Variants in DNAJB1 observed in about 807,000 individuals in gnomAD.
DNAJB1 encodes the protein dnaJ homolog subfamily B member 1.
Under a neutral mutation model 24.0 loss-of-function variants are expected in DNAJB1, and 14 were observed. That is an observed-to-expected ratio of 0.58 (90% CI 0.39 to 0.91). The LOEUF is 0.91. Ranked by LOEUF, DNAJB1 falls within the 40% of genes least tolerant of loss-of-function variation. The probability of loss-of-function intolerance (pLI) is 0.00; values close to 1 mark genes in which losing one functional copy is unlikely to be tolerated. For synonymous variants in DNAJB1, 262 were observed against 174.4 expected (o/e 1.50, Z -3.96); for missense variants, 517 against 458.1 (o/e 1.13, Z -1.17).
chr19:14,553,499 G>A (rs1338145802), upstream of DNAJB1, among the ~76,000 whole-genome samples: 1 of 152,164 alleles, frequency 6.6e-6, no homozygotes, highest in Non-Finnish European at 1.5e-5. Context: ...GTCATACACT[G>A]AGGCCACTGG....
At chr19:14,557,694 C>T (rs1478772230) in intron 1 of DNAJB1, among the ~76,000 whole-genome samples, 5 of 150,702 alleles carry the variant, frequency 3.3e-5, no homozygotes, top group East Asian at 2.0e-4. Context: ...TCAGGTAACC[C>T]GCCCACCTTG....
intron 1 of DNAJB1, among the ~76,000 whole-genome samples, chr19:14,535,609 C>A (rs2072870730): frequency 9.8e-6 from 1 of 101,852 alleles, no homozygotes; most frequent in African/African-American, 4.1e-5. Flanking sequence ...TATAAATTAG[C>A]CAGGCATCAT....
rs776673751 is a variant in DNAJB1 at position 14,516,092 on chromosome 19, G to T, written c.871C>A (p.Pro291Thr). The T allele has an allele frequency of 2.5e-6, 4 of 1,613,942 alleles. No individual in the cohort carries two copies. Among genetic ancestry groups the T allele is most frequent in the Non-Finnish European group, 3.4e-6 (4 of 1,179,974 alleles). The change falls in exon 3 of 3, where the codon CCT becomes ACT. Residue 291 changes from proline (P) to threonine (T), a missense_variant. Coordinates refer to ENST00000254322, the MANE Select transcript of DNAJB1 (RefSeq NM_006145.3). ...CCAGGAACTTTTCGCCGCATGCCAGGCCTGATAACATCTTTGAATACGACG... is the reference window on the plus strand; with the variant it reads ...CCAGGAACTTTTCGCCGCATGCCAGTCCTGATAACATCTTTGAATACGACG... ...IPVVFKDVIRPGMRRKVPGEG... is the reference protein window; with the variant it reads ...IPVVFKDVIRTGMRRKVPGEG...
intron 1 of DNAJB1, among the ~76,000 whole-genome samples, chr19:14,541,581 T>C (rs1205269170): frequency 6.6e-6 from 1 of 152,182 alleles, no homozygotes; most frequent in East Asian, 1.9e-4. Flanking sequence ...ACATTCTCTG[T>C]CCTCAAGATC....
chr19:14,516,403 T>C (rs8112776), intron 2 of DNAJB1, 63 bp downstream of exon 2: 113,914 of 1,540,790 alleles, frequency 0.074, 4,493 homozygotes, highest in Non-Finnish European at 0.082. Context: ...GTTCAGCAAA[T>C]ACTAAACTGC....
upstream of DNAJB1, among the ~76,000 whole-genome samples, chr19:14,520,312 TGAAGAA>T (rs1568382813): frequency 6.6e-6 from 1 of 152,150 alleles, no homozygotes; most frequent in East Asian, 1.9e-4. Flanking sequence ...CAGGGACTCC[TGAAGAA>T]GAAGACCATC....
At chr19:14,544,225 C>T (rs1332051604) in intron 1 of DNAJB1, among the ~76,000 whole-genome samples, 1 of 151,866 alleles carries the variant, frequency 6.6e-6, no homozygotes, top group Non-Finnish European at 1.5e-5. Context: ...CCACACTCAT[C>T]ACCTTGTCAC....
At chr19:14,528,235 A>G (rs1226298664) in intron 1 of DNAJB1, among the ~76,000 whole-genome samples, 1 of 139,692 alleles carries the variant, frequency 7.2e-6, no homozygotes, top group Non-Finnish European at 1.5e-5. Context: ...GACCAGTCCC[A>G]TTTCTTTTTC....
intron 1 of DNAJB1, among the ~76,000 whole-genome samples, chr19:14,556,269 C>T (rs549979117): frequency 6.6e-6 from 1 of 152,282 alleles, no homozygotes; most frequent in South Asian, 2.1e-4. Context: ...GGTTCCCCCA[C>T]TGTCTACTGG....
chr19:14,540,894 G>A (rs982278982), intron 1 of DNAJB1, among the ~76,000 whole-genome samples: 1 of 152,042 alleles, frequency 6.6e-6, no homozygotes, highest in Non-Finnish European at 1.5e-5. Flanking sequence ...GAGTGCAGTA[G>A]AGTGATCTCG....
chr19:14,533,513 G>A (rs1373066857), upstream of DNAJB1, among the ~76,000 whole-genome samples: 2 of 152,172 alleles, frequency 1.3e-5, no homozygotes, highest in Admixed American at 6.6e-5. Flanking sequence ...GTTGGCCCCT[G>A]GAGAGACCTT....
upstream of DNAJB1, among the ~76,000 whole-genome samples, chr19:14,551,734 C>T (rs764222784): frequency 6.6e-5 from 10 of 151,890 alleles, no homozygotes; most frequent in Non-Finnish European, 1.2e-4. Flanking sequence ...CAGAGGCCAG[C>T]GGGCTGGGTC....
In DNAJB1 at chr19:14,557,959, G is replaced by A. The variant is rs1396651983; in HGVS notation, c.-2166+2072C>T. On this transcript the variant is annotated intron_variant, in intron 1 of 5. Transcript: ENST00000679223. ...TTTAGTAGAGATGGGGTTTCACCGTGTTAGCCAGGATGGTCTCGATCTCCT... is the reference window on the plus strand; with the variant it reads ...TTTAGTAGAGATGGGGTTTCACCGTATTAGCCAGGATGGTCTCGATCTCCT... Among the ~76,000 whole-genome samples, 5 of 150,422 alleles carry A rather than the reference G, an allele frequency of 3.3e-5. 1 individual carries two copies. In the South Asian group the frequency reaches 1.0e-3, roughly 32 times the overall value.
At chr19:14,560,165 G>A (rs981464558) in exon 1 of DNAJB1, among the ~76,000 whole-genome samples, 1 of 152,214 alleles carries the variant, frequency 6.6e-6, no homozygotes, top group South Asian at 2.1e-4. Context: ...GCAGCTAGCC[G>A]GGACCCCGAT....
At chr19:14,549,904 C>T (rs2073435759) in intron 1 of DNAJB1, among the ~76,000 whole-genome samples, 1 of 151,670 alleles carries the variant, frequency 6.6e-6, no homozygotes, top group Admixed American at 6.6e-5. Context: ...GATTGTGCCA[C>T]TGCGCTCCAG....
At chr19:14,529,255 T>C (rs1447826783) in exon 1 of DNAJB1, 3 of 315,820 alleles carry the variant, frequency 9.5e-6, no homozygotes, top group Non-Finnish European at 1.9e-5. Flanking sequence ...GGATGCTGCC[T>C]TGCCTGTCAC....
At position 14,516,929 on chromosome 19, in the gene DNAJB1, T is replaced by C. The variant is rs1568380218; in HGVS notation, c.329A>G (p.Asn110Ser). ...CTGCCCAAAAAAGGTGTCAAAGGGA[T>C]TTCTGCCACCGAAGAACTCAGCAAA... ...AMFAEFFGGR[N>S]PFDTFFGQRN... Residue 110 changes from asparagine (N) to serine (S), a missense_variant, in exon 2 of 3, where the codon AAT becomes AGT. Physicochemically the swap from Asn to Ser is conservative, Grantham distance 46. Transcript: ENST00000254322. 1.2e-6 allele frequency: 2 copies of C among 1,613,892 alleles called. No individual in the cohort carries two copies. Among genetic ancestry groups the C allele is most frequent in the Non-Finnish European group, 1.7e-6 (2 of 1,179,982 alleles).
At chr19:14,556,697 G>A (rs1329154152) in intron 1 of DNAJB1, among the ~76,000 whole-genome samples, 4 of 152,160 alleles carry the variant, frequency 2.6e-5, no homozygotes, top group African/African-American at 4.8e-5. Context: ...TTGGCTGGTG[G>A]CAGGGCCAGG....
intron 1 of DNAJB1, chr19:14,545,828 G>A (rs1350662403): frequency 6.5e-6 from 1 of 152,970 alleles, no homozygotes; most frequent in African/African-American, 2.4e-5. Flanking sequence ...GGGCTGTGTG[G>A]GTTCCCTGGC....
Sources: allele counts gnomAD v4.1 joint callset (sites outside exome capture counted in the v4.1 genomes callset), GRCh38; gene constraint gnomAD v4.1.1; transcripts MANE v1.5; gene names NCBI Gene and HGNC (gene_info 2026-07-23, HGNC 2026-07-21).